The following SPRING1 variants were observed in gnomAD, a reference collection of about 807,000 sequenced individuals.
SPRING1 encodes SREBF pathway regulator in golgi 1.
SPRING1 carries 14 observed loss-of-function variants against 24.7 expected under a neutral mutation model. The ratio of observed to expected loss-of-function variants is 0.57; its 90% CI spans 0.37 to 0.88. The LOEUF (loss-of-function observed/expected upper bound fraction) is 0.88. SPRING1 is among the 40% of genes least tolerant of loss of function. The pLI, the probability that SPRING1 is intolerant of heterozygous loss-of-function variation, is 0.00. For missense variants in SPRING1, 255 were observed against 268.4 expected, an observed-to-expected ratio of 0.95 and a Z score of 0.35; for synonymous variants, 93 against 106.1, an observed-to-expected ratio of 0.88 and a Z score of 0.76.
chr12:116,729,933 T>A (rs1254987852), intron 1 of SPRING1, among the ~76,000 whole-genome samples: 1 of 152,260 alleles, frequency 6.6e-6, no homozygotes, highest in African/African-American at 2.4e-5. Flanking sequence ...GGAGTCTCGC[T>A]CTGTCGCCCA....
chr12:116,719,934 T>C, intron 3 of SPRING1, 58 bp from the exon 4 acceptor site: 3 of 1,439,416 alleles, frequency 2.1e-6, no homozygotes, highest in Non-Finnish European at 2.9e-6. Flanking sequence ...CAAGGTGACC[T>C]TGGCTATCTC....
chr12:116,721,860 A>G (rs976645386), intron 2 of SPRING1, among the ~76,000 whole-genome samples: 1 of 152,198 alleles, frequency 6.6e-6, no homozygotes, highest in Non-Finnish European at 1.5e-5. Context: ...TCAGCATCTC[A>G]GGCATCCTTT....
rs1592929283 is a variant in SPRING1, at chr12:116,738,027, G to A, written c.-127C>T. The A allele has an allele frequency of 5.4e-6, 6 of 1,102,864 alleles. 1 individual carries two copies. The East Asian group carries it at 1.8e-4, about 33-fold the overall frequency. 68.3% of individuals were successfully genotyped at this position (1,102,864 alleles called of 1,614,324 possible). A position where few individuals can be genotyped will look rare whatever the true frequency, so the allele number is the denominator to read the frequency against. ...GCAGGCGCCGGCCCCGCCGCCCGCA[G>A]CCCAGTCTGCTCCCGGCAGCCTTGG... On this transcript the variant is annotated 5_prime_UTR_variant, in exon 1 of 5. Coordinates refer to ENST00000261318, the MANE Select transcript of SPRING1 (RefSeq NM_024738.4).
In SPRING1 at chr12:116,720,212, T is replaced by A; in HGVS notation, c.420+84A>T. ...TTTCTAAGTTTTATTTTCAGAGGAA[T>A]CTCACATGAAGAGCCTAATGCTCAT... On this transcript the variant is annotated intron_variant, in intron 3 of 4. Coordinates refer to ENST00000261318, the MANE Select transcript of SPRING1 (RefSeq NM_024738.4). This position sits in a 1 kb window ranked among gnomAD's most constrained non-coding sequence, Gnocchi z 4.0. The A allele has an allele frequency of 2.1e-6, 3 of 1,448,886 alleles. No individual in the cohort carries two copies. Among genetic ancestry groups the A allele is most frequent in the Non-Finnish European group, 2.8e-6 (3 of 1,088,260 alleles). The allele number at this position is 1,448,886 out of a possible 1,614,324, so 89.8% of individuals were successfully genotyped here. A position where few individuals can be genotyped will look rare whatever the true frequency, so the allele number is the denominator to read the frequency against.
chr12:116,722,259 C>T (rs1325376900), intron 2 of SPRING1, among the ~76,000 whole-genome samples: 3 of 152,150 alleles, frequency 2.0e-5, no homozygotes. Context: ...TCCTTCACTC[C>T]TGGAATTTTT....
At position 116,717,928 on chromosome 12, in the gene SPRING1, G is replaced by C; in HGVS notation, c.535-35C>G. 1.3e-6 allele frequency: 2 copies of C among 1,507,398 alleles called. No individual in the cohort carries two copies. The highest frequency in any genetic ancestry group is 1.8e-6 in the Non-Finnish European group (2 of 1,107,516). The allele number at this position is 1,507,398 out of a possible 1,614,324, so 93.4% of individuals were successfully genotyped here. ...AAAGGAAAATAAGAGCGCAGTGAGAGCGAGCACAGCTTCACACACCTCCCT... is the reference window on the plus strand; with the variant it reads ...AAAGGAAAATAAGAGCGCAGTGAGACCGAGCACAGCTTCACACACCTCCCT... On this transcript the variant is annotated intron_variant, in intron 4 of 4. Transcript: ENST00000261318. The surrounding 1 kb of genome is among the most constrained non-coding windows in gnomAD (Gnocchi z 4.2).
intron 4 of SPRING1, among the ~76,000 whole-genome samples, chr12:116,718,177 G>T (rs1284878747): frequency 1.3e-5 from 2 of 152,182 alleles, no homozygotes; most frequent in Admixed American, 6.5e-5. Context: ...CTGTGACCTG[G>T]TGACTCAAGA....
At chr12:116,723,037 C>T (rs1870506812) in intron 2 of SPRING1, 30 bp downstream of exon 2, 16 of 1,611,802 alleles carry the variant, frequency 9.9e-6, no homozygotes, top group Non-Finnish European at 1.3e-5. Context: ...CGCTCCTGAC[C>T]GCCTGGAGAG....
chr12:116,735,651 TGAACCCGAGAGG>T lies in SPRING1; in HGVS notation c.111+2127_111+2138del, dbSNP rs558807565. 7.9e-5 allele frequency among the ~76,000 whole-genome samples: 12 copies of T among 152,048 alleles called. No individual in the cohort carries two copies. The South Asian group carries it at 2.5e-3, about 32-fold the overall frequency. On this transcript the variant is annotated intron_variant, in intron 1 of 4. Transcript: ENST00000261318. Reference sequence around the variant, plus strand: ...GGAGGCTAAGGCAGGGAGAACTGCTTGAACCCGAGAGGTAGAGGTTGCAGTGAGCTGAGATCA... The same window carrying T: ...GGAGGCTAAGGCAGGGAGAACTGCTTTAGAGGTTGCAGTGAGCTGAGATCA...
chr12:116,731,279 A>AC (rs1242410362), intron 1 of SPRING1, among the ~76,000 whole-genome samples: 1 of 152,100 alleles, frequency 6.6e-6, no homozygotes, highest in African/African-American at 2.4e-5. Context: ...TACTGGCTTG[A>AC]CCCCCCATGA....
intron 1 of SPRING1, among the ~76,000 whole-genome samples, chr12:116,729,127 T>A (rs138027283): frequency 2.0e-5 from 3 of 152,370 alleles, no homozygotes; most frequent in African/African-American, 7.2e-5. Flanking sequence ...TGTTTTTATA[T>A]TTCTGCAAAC....
At chr12:116,736,567 T>C (rs745432539) in intron 1 of SPRING1, among the ~76,000 whole-genome samples, 1 of 152,192 alleles carries the variant, frequency 6.6e-6, no homozygotes, top group Non-Finnish European at 1.5e-5. Context: ...CAATGTTCTA[T>C]TCACTTATAT....
intron 1 of SPRING1, among the ~76,000 whole-genome samples, chr12:116,726,377 C>A (rs896202413): frequency 1.1e-4 from 16 of 152,210 alleles, no homozygotes; most frequent in Non-Finnish European, 2.1e-4. Flanking sequence ...ACAGTGTTTA[C>A]AATTTGACCA....
chr12:116,731,779 A>T (rs888284454), intron 1 of SPRING1, among the ~76,000 whole-genome samples: 1 of 151,578 alleles, frequency 6.6e-6, no homozygotes, highest in East Asian at 1.9e-4. Context: ...AAACCAAGTT[A>T]AAAAAAAACC....
At chr12:116,730,690 T>C (rs1870932244) in intron 1 of SPRING1, among the ~76,000 whole-genome samples, 2 of 151,972 alleles carry the variant, frequency 1.3e-5, no homozygotes, top group Non-Finnish European at 2.9e-5. Context: ...TGAACAGATC[T>C]TACGCAGATC....
rs777521532 is a variant in SPRING1, at chr12:116,717,945, C to T, written c.535-52G>A. On this transcript the variant is annotated intron_variant, in intron 4 of 4. Coordinates refer to ENST00000261318, the MANE Select transcript of SPRING1 (RefSeq NM_024738.4). This position sits in a 1 kb window ranked among gnomAD's most constrained non-coding sequence, Gnocchi z 4.2. ...CAGTGAGAGCGAGCACAGCTTCACACACCTCCCTCTCGGAAGAGTGAGAGT... is the reference window on the plus strand; with the variant it reads ...CAGTGAGAGCGAGCACAGCTTCACATACCTCCCTCTCGGAAGAGTGAGAGT... The T allele has an allele frequency of 2.7e-5, 38 of 1,404,788 alleles. No homozygotes were observed. The highest frequency in any genetic ancestry group is 1.1e-4 in the Admixed American group (5 of 46,966). 87.0% of individuals were successfully genotyped at this position (1,404,788 alleles called of 1,614,324 possible). A position where few individuals can be genotyped will look rare whatever the true frequency, so the allele number is the denominator to read the frequency against.
chr12:116,733,329 C>T (rs1263207548), intron 1 of SPRING1, among the ~76,000 whole-genome samples: 8 of 150,766 alleles, frequency 5.3e-5, no homozygotes, highest in Admixed American at 3.9e-4. Flanking sequence ...ACTACAGGCG[C>T]GTGCCACCAA....
rs147112818 is a variant in SPRING1 at position 116,723,203 on chromosome 12, A to C, written c.132T>G (p.Asp44Glu). The C allele has an allele frequency of 3.0e-5, 48 of 1,614,166 alleles. No homozygotes were observed. In the African/African-American group the frequency reaches 5.2e-4, roughly 17 times the overall value. Residue 44 changes from aspartate to glutamate, a missense_variant, in exon 2 of 5, where the codon GAT (aspartate) becomes GAG (glutamate). Physicochemically the swap from Asp to Glu is conservative, Grantham distance 45. Coordinates refer to ENST00000261318, the MANE Select transcript of SPRING1 (RefSeq NM_024738.4). ...TFKQEERAVRDRNLLQVHDHN... is the reference protein window; with the variant it reads ...TFKQEERAVRERNLLQVHDHN... The stretch of plus-strand genomic sequence containing the variant: ...GGTCATGAACCTGGAGGAGATTCCT[A>C]TCTCTCACTGCCCTCTCCTCCTGCA...
At chr12:116,733,695 T>C (rs1871102876) in intron 1 of SPRING1, among the ~76,000 whole-genome samples, 1 of 152,170 alleles carries the variant, frequency 6.6e-6, no homozygotes. Context: ...AATGTTAATT[T>C]ATTATTAAAG....
Sources: gnomAD v4.1 joint callset for allele counts (sites outside exome capture counted in the v4.1 genomes callset) on GRCh38, gnomAD v4.1.1 for gene constraint, Gnocchi (gnomAD v3.1) non-coding constraint, MANE v1.5 for transcripts, NCBI Gene and HGNC (gene_info 2026-07-23, HGNC 2026-07-21) for gene names.